Variants in AMBN observed in about 807,000 individuals in gnomAD.
AMBN encodes enamel matrix protein.
AMBN carries 54 observed loss-of-function variants against 48.0 expected under a neutral mutation model. The ratio of observed to expected loss-of-function variants is 1.12; its 90% confidence interval spans 0.90 to 1.41. The LOEUF is 1.41. AMBN is among the 40% of genes most tolerant of loss of function. The pLI is 0.00. For missense variants in AMBN, 571 were observed against 547.3 expected (o/e 1.04, Z -0.43); for synonymous variants, 186 against 190.0 (o/e 0.98, Z 0.17).
At chr4:70,603,365 A>T in intron 10 of AMBN, 46 bp downstream of exon 10, 1 of 1,612,984 alleles carries the variant, frequency 6.2e-7, no homozygotes, top group South Asian at 1.1e-5. Flanking sequence ...TTTACTTAAA[A>T]GTTTTTCCAT....
At chr4:70,606,053 G>A in intron 12 of AMBN, 132 bp from the exon 13 acceptor site, 1 of 1,006,706 alleles carries the variant, frequency 9.9e-7, no homozygotes. Context: ...CTTACACAAA[G>A]CTATCAATCA....
In AMBN at chr4:70,599,613, A is replaced by G. The variant is rs1737475178; in HGVS notation, c.261A>G (p.Pro87=). 3.1e-6 allele frequency: 5 copies of G among 1,613,150 alleles called. 1 individual carries two copies. Among genetic ancestry groups the G allele is most frequent in the South Asian group, 2.2e-5 (2 of 91,012 alleles). Residue 87 remains proline (P), a synonymous_variant, in exon 5 of 13, where the codon CCA becomes CCG. Coordinates refer to ENST00000322937, the MANE Select transcript of AMBN (RefSeq NM_016519.6). The part of the protein sequence containing the change: ...HGLLPPHSSL[P]WMRPREHETQ... ...TCCTCCCACCACATTCCTCTCTTCC[A>G]TGGATGAGGCCAAGAGAACATGAAA...
rs1737644689 is a variant in AMBN, at chr4:70,606,329, G to A, written c.943G>A (p.Gly315Ser). 1.2e-6 allele frequency: 2 copies of A among 1,613,948 alleles called. No homozygotes were observed. The highest frequency in any genetic ancestry group is 4.5e-5 in the East Asian group (2 of 44,840). Residue 315 changes from glycine (G) to serine (S), a missense_variant, in exon 13 of 13, where the codon GGC becomes AGC. Transcript: ENST00000322937. ...EFDSPVAATK[G>S]PENEEGGAQG... ...TGACTCCCCAGTGGCTGCCACCAAA[G>A]GCCCTGAGAACGAAGAAGGAGGTGC...
chr4:70,605,788 G>A (rs1461813175), intron 12 of AMBN, among the ~76,000 whole-genome samples: 1 of 152,078 alleles, frequency 6.6e-6, no homozygotes, highest in East Asian at 1.9e-4. Flanking sequence ...AACTTCATTT[G>A]GGGGACACTG....
rs568675718 is a variant in AMBN, at chr4:70,606,248, G to T, written c.862G>T (p.Gly288Cys). 4.3e-6 allele frequency: 7 copies of T among 1,614,096 alleles called. No homozygotes were observed. The highest frequency in any genetic ancestry group is 5.9e-6 in the Non-Finnish European group (7 of 1,179,996). Residue 288 changes from glycine to cysteine, a missense_variant, in exon 13 of 13, where the codon GGC (glycine) becomes TGC (cysteine). Transcript: ENST00000322937. ...TCCAGGATTTGGAGGCATGAGGCCCGGCTTTGAGGGAATGCCCCACAACCC... is the reference window on the plus strand; with the variant it reads ...TCCAGGATTTGGAGGCATGAGGCCCTGCTTTGAGGGAATGCCCCACAACCC... ...MFPGFGGMRP[G>C]FEGMPHNPAM...
At chr4:70,596,337 G>A (rs1737385245) in intron 2 of AMBN, among the ~76,000 whole-genome samples, 1 of 151,690 alleles carries the variant, frequency 6.6e-6, no homozygotes, top group Admixed American at 6.6e-5. Flanking sequence ...GTATAGATAG[G>A]TATATTTTTG....
intron 5 of AMBN, 37 bp downstream of exon 5, chr4:70,599,683 C>T (rs765655841): frequency 6.9e-7 from 1 of 1,446,090 alleles, no homozygotes; most frequent in South Asian, 1.2e-5. Context: ...AAACCTCAGG[C>T]TTTAAAACCT....
At chr4:70,601,384 C>G (rs779779400) in intron 5 of AMBN, 34 bp from the exon 6 acceptor site, 1 of 1,600,864 alleles carries the variant, frequency 6.2e-7, no homozygotes, top group East Asian at 2.2e-5. Flanking sequence ...AATGAGCCAT[C>G]CCTTCCTAAC....
intron 2 of AMBN, among the ~76,000 whole-genome samples, chr4:70,594,788 A>T (rs936588372): frequency 6.6e-6 from 1 of 152,206 alleles, no homozygotes; most frequent in East Asian, 1.9e-4. Context: ...CTTTGAACCT[A>T]TAATGATCCA....
chr4:70,593,986 T>C (rs369596506), intron 2 of AMBN, among the ~76,000 whole-genome samples: 1 of 152,120 alleles, frequency 6.6e-6, no homozygotes, highest in Non-Finnish European at 1.5e-5. Context: ...TTAGATAGTC[T>C]CCACAATGCA....
In AMBN at chr4:70,597,846, G is replaced by C. The variant is rs182578895; in HGVS notation, c.136-510G>C. ...AAATTGGCATTCTGTTGAAATGGTA[G>C]CATTCTCGATAATCTATCCAGATAC... On this transcript the variant is annotated intron_variant, in intron 3 of 12. Coordinates refer to ENST00000322937, the MANE Select transcript of AMBN (RefSeq NM_016519.6). 3.5e-4 allele frequency among the ~76,000 whole-genome samples: 54 copies of C among 152,184 alleles called. No individual in the cohort carries two copies. The East Asian group carries it at 9.6e-3, about 27-fold the overall frequency.
Position 70,592,381 on chromosome 4 carries a change from G to T in AMBN, c.15+8G>T. 2 of 1,613,778 alleles carry T rather than the reference G, an allele frequency of 1.2e-6. No individual in the cohort carries two copies. Among genetic ancestry groups the T allele is most frequent in the Non-Finnish European group, 1.7e-6 (2 of 1,179,812 alleles). The stretch of plus-strand genomic sequence containing the variant: ...TGCATGTCAGCATCTAAGGTAAAAT[G>T]GGATTTTATGATTTCCATGTGTTTC... On this transcript the variant is annotated splice_region_variant and intron_variant, in intron 1 of 12. Coordinates refer to ENST00000322937, the MANE Select transcript of AMBN (RefSeq NM_016519.6).
rs752814924 is a variant in AMBN at position 70,596,983 on chromosome 4, T to G, written c.85-16T>G. On this transcript the variant is annotated splice_polypyrimidine_tract_variant and intron_variant, in intron 2 of 12. Coordinates refer to ENST00000322937, the MANE Select transcript of AMBN (RefSeq NM_016519.6). ...TTGTACCAATAAGACTCAAAATTATTCTTATTTTCATTCAGTTCTTTCCTC... is the reference window on the plus strand; with the variant it reads ...TTGTACCAATAAGACTCAAAATTATGCTTATTTTCATTCAGTTCTTTCCTC... The G allele has an allele frequency of 9.3e-6, 15 of 1,611,960 alleles. No individual in the cohort carries two copies. The highest frequency in any genetic ancestry group is 1.2e-5 in the Non-Finnish European group (14 of 1,178,576).
In AMBN at chr4:70,602,717, T is replaced by G. The variant is rs975497998; in HGVS notation, c.570+55T>G. 24 of 1,501,680 alleles carry G rather than the reference T, an allele frequency of 1.6e-5. No individual in the cohort carries two copies. The East Asian group carries it at 5.3e-4, about 33-fold the overall frequency. 93.0% of individuals were successfully genotyped at this position (1,501,680 alleles called of 1,614,324 possible). The stretch of plus-strand genomic sequence containing the variant: ...TGTATTTTATTTTTTAATTTTTATT[T>G]GTTCACTTTTTTATTTTTATTTGTA... On this transcript the variant is annotated intron_variant, in intron 7 of 12. Transcript: ENST00000322937.
intron 12 of AMBN, among the ~76,000 whole-genome samples, chr4:70,605,780 C>T (rs1419724410): frequency 1.3e-5 from 2 of 152,126 alleles, no homozygotes; most frequent in African/African-American, 4.8e-5. Context: ...GTACATGGAA[C>T]TTCATTTGGG....
At chr4:70,605,426 G>A (rs915693670) in intron 12 of AMBN, among the ~76,000 whole-genome samples, 2 of 152,060 alleles carry the variant, frequency 1.3e-5, no homozygotes, top group Non-Finnish European at 2.9e-5. Flanking sequence ...ATAATTTCAA[G>A]AAAATCAGAA....
rs778316669 is a variant in AMBN, at chr4:70,593,315, ATTATGTT to A, written c.16-8_16-2del. 28 of 1,590,258 alleles carry A rather than the reference ATTATGTT, an allele frequency of 1.8e-5. No individual in the cohort carries two copies. Among genetic ancestry groups the A allele is most frequent in the Middle Eastern group, 1.7e-4 (1 of 6,014 alleles). On this transcript the variant is annotated splice_region_variant and splice_polypyrimidine_tract_variant and intron_variant, in intron 1 of 12. Coordinates refer to ENST00000322937, the MANE Select transcript of AMBN (RefSeq NM_016519.6). ...TCATCTGATTTAATTCTCCAACTTAATTATGTTTTAGATTCCACTTTTCAAAATGAAG... is the reference window on the plus strand; with the variant it reads ...TCATCTGATTTAATTCTCCAACTTAATTAGATTCCACTTTTCAAAATGAAG...
At chr4:70,602,935 T>A in intron 8 of AMBN, 37 bp from the exon 9 acceptor site, 1 of 1,565,376 alleles carries the variant, frequency 6.4e-7, no homozygotes, top group Non-Finnish European at 8.7e-7. Context: ...TTTGTTCCTT[T>A]TTTGACTGAT....
chr4:70,598,910 G>GATT (rs904271861), intron 4 of AMBN, among the ~76,000 whole-genome samples: 3 of 150,990 alleles, frequency 2.0e-5, no homozygotes, highest in Non-Finnish European at 2.9e-5. Context: ...AAGTAGCTGG[G>GATT]ATTACAGGCA....
Sources: gnomAD v4.1 joint callset for allele counts (sites outside exome capture counted in the v4.1 genomes callset) on GRCh38, gnomAD v4.1.1 for gene constraint, MANE v1.5 for transcripts, NCBI Gene and HGNC (gene_info 2026-07-23, HGNC 2026-07-21) for gene names.